The following NEK5 variants were observed in gnomAD, a reference collection of about 807,000 sequenced individuals.
NEK5 encodes serine/threonine-protein kinase Nek5.
NEK5 carries 88 observed loss-of-function variants against 109.2 expected under a neutral mutation model. The observed-to-expected ratio is 0.81, with a 90% confidence interval of 0.68 to 0.96. The LOEUF is 0.96. Among genes scored for constraint, NEK5 ranks in the 40% least tolerant of loss-of-function variants. The probability of loss-of-function intolerance (pLI) is 0.00; values close to 1 mark genes in which losing one functional copy is unlikely to be tolerated. For synonymous variants in NEK5, 283 were observed against 299.9 expected (o/e 0.94, Z 0.58); for missense variants, 834 against 920.7 (o/e 0.91, Z 1.22).
chr13:52,095,027 C>T (rs1304631354), intron 12 of NEK5, among the ~76,000 whole-genome samples: 3 of 152,162 alleles, frequency 2.0e-5, no homozygotes, highest in Admixed American at 1.3e-4. Context: ...CAGGGATCTC[C>T]TGCCTCATCC....
At chr13:52,116,433 C>T (rs895307276) in intron 4 of NEK5, among the ~76,000 whole-genome samples, 7 of 151,952 alleles carry the variant, frequency 4.6e-5, no homozygotes, top group South Asian at 2.1e-4. Flanking sequence ...GAGGCCATGG[C>T]GAGAGGATCA....
At position 52,125,334 on chromosome 13, in the gene NEK5, C is replaced by T. The variant is rs762115984; in HGVS notation, c.117+2032G>A. Reference sequence around the variant, plus strand: ...ATCCCAGCACTTTGGGAGGCCGAGGCGGGTGGATCACGAAGTCAGGAGATT... The same window carrying T: ...ATCCCAGCACTTTGGGAGGCCGAGGTGGGTGGATCACGAAGTCAGGAGATT... On this transcript the variant is annotated intron_variant, in intron 3 of 23. Coordinates refer to ENST00000684899, the MANE Select transcript of NEK5 (RefSeq NM_001365552.1). 5.9e-5 allele frequency among the ~76,000 whole-genome samples: 9 copies of T among 152,274 alleles called. No individual in the cohort carries two copies. In the East Asian group the frequency reaches 9.6e-4, roughly 16 times the overall value.
chr13:52,077,329 A>G (rs61957209), intron 17 of NEK5, among the ~76,000 whole-genome samples: 3,395 of 152,316 alleles, frequency 0.022, 69 homozygotes, highest in Middle Eastern at 0.037. Flanking sequence ...AATCAAACAT[A>G]TAATAGATAA....
At chr13:52,042,212 T>TTAC (rs1661924363) in intron 23 of NEK5, among the ~76,000 whole-genome samples, 1 of 151,606 alleles carries the variant, frequency 6.6e-6, no homozygotes. Flanking sequence ...ATAAGAAAGT[T>TTAC]TACTACTCAC....
In NEK5 at chr13:52,089,321, A is replaced by T. The variant is rs745709485; in HGVS notation, c.1209-8T>A. On this transcript the variant is annotated splice_region_variant and splice_polypyrimidine_tract_variant and intron_variant, in intron 13 of 23. Coordinates refer to ENST00000684899, the MANE Select transcript of NEK5 (RefSeq NM_001365552.1). ...TGAAGGTACTCAGCAGGCCTTAGAA[A>T]ATAAGAATGTTCAGCTTAAGTAGAA... 1 of 1,585,828 alleles carries T rather than the reference A, an allele frequency of 6.3e-7. No homozygotes were observed. Among genetic ancestry groups the T allele is most frequent in the South Asian group, 1.1e-5 (1 of 89,046 alleles).
In NEK5 at chr13:52,036,823, G is replaced by T. The variant is rs1954364909; in HGVS notation, c.*125C>A. ...AAAAGTTCTACTTCCTAAATTGAAA[G>T]AAAAATTAATAAATCCTTGAGATTA... On this transcript the variant is annotated 3_prime_UTR_variant, in exon 24 of 24. Transcript: ENST00000684899. 1 of 345,124 alleles carries T rather than the reference G, an allele frequency of 2.9e-6. No individual in the cohort carries two copies. The highest frequency in any genetic ancestry group is 4.1e-6 in the Non-Finnish European group (1 of 245,040). The allele number at this position is 345,124 out of a possible 1,614,324, so 21.4% of individuals were successfully genotyped here. A position where few individuals can be genotyped will look rare whatever the true frequency, so the allele number is the denominator to read the frequency against.
In NEK5 at chr13:52,119,381, T is replaced by A; in HGVS notation, c.152A>T (p.Glu51Val). Reference protein sequence around the residue: ...PIQEKEASKKEVILLEKMKHP... With the variant: ...PIQEKEASKKVVILLEKMKHP... ...TTTCATCTTTTCCAGAAGAATCACT[T>A]CTTTCTTTGAAGCTTCTTTTTCTTG... The change falls in exon 4 of 24, where the codon GAA becomes GTA. Residue 51 changes from glutamate to valine, a missense_variant. This residue lies in a region of NEK5 where 777 missense variants were observed against 824.7 expected (regional missense o/e 0.94). Transcript: ENST00000684899. The A allele has an allele frequency of 6.2e-7, 1 of 1,600,874 alleles. No individual in the cohort carries two copies. The highest frequency in any genetic ancestry group is 1.3e-5 in the African/African-American group (1 of 74,862).
At chr13:52,081,468 C>A (rs890013429) in intron 17 of NEK5, among the ~76,000 whole-genome samples, 1 of 152,086 alleles carries the variant, frequency 6.6e-6, no homozygotes, top group South Asian at 2.1e-4. Flanking sequence ...ACTATAGTCT[C>A]GTGCCACCAT....
intron 21 of NEK5, among the ~76,000 whole-genome samples, chr13:52,063,555 C>T (rs1299857979): frequency 6.7e-6 from 1 of 149,022 alleles, no homozygotes; most frequent in Non-Finnish European, 1.5e-5. Flanking sequence ...CGTGAGGAGC[C>T]CCTCTGCCTG....
At chr13:52,097,517 G>C (rs991076008) in intron 12 of NEK5, among the ~76,000 whole-genome samples, 26 of 151,992 alleles carry the variant, frequency 1.7e-4, no homozygotes, top group Admixed American at 7.2e-4. Context: ...TTTAATGACT[G>C]CCCTGCTAGG....
intron 23 of NEK5, among the ~76,000 whole-genome samples, chr13:52,041,552 A>AC (rs2140884774): frequency 6.6e-6 from 1 of 151,918 alleles, no homozygotes; most frequent in East Asian, 1.9e-4. Flanking sequence ...ACATGGTGAA[A>AC]CCCCATCTCT....
chr13:52,084,800 T>TTTA, intron 16 of NEK5, among the ~76,000 whole-genome samples: 1 of 108,196 alleles, frequency 9.2e-6, no homozygotes, highest in African/African-American at 2.8e-5. Context: ...TGTGTGTGTG[T>TTTA]GTGTGTGTGT....
At chr13:52,112,416 G>A (rs1955776254) in intron 4 of NEK5, 51 bp from the exon 5 acceptor site, 1 of 1,197,294 alleles carries the variant, frequency 8.4e-7, no homozygotes, top group African/African-American at 1.5e-5. Flanking sequence ...ATATTTATCA[G>A]CCATGTTCTG....
chr13:52,061,217 G>A (rs1430401598), intron 22 of NEK5, among the ~76,000 whole-genome samples: 3 of 151,784 alleles, frequency 2.0e-5, no homozygotes, highest in Non-Finnish European at 4.4e-5. Context: ...CACATGCACA[G>A]TTCACAATAG....
At chr13:52,081,439 G>A (rs1036778142) in intron 17 of NEK5, among the ~76,000 whole-genome samples, 1 of 151,754 alleles carries the variant, frequency 6.6e-6, no homozygotes. Context: ...AGGGATCCTC[G>A]GCCTCCTAAA....
At chr13:52,125,207 A>G (rs1370354067) in intron 3 of NEK5, among the ~76,000 whole-genome samples, 2 of 152,236 alleles carry the variant, frequency 1.3e-5, no homozygotes, top group Non-Finnish European at 2.9e-5. Flanking sequence ...TCTCTGAGAC[A>G]ATAAATGTTT....
At chr13:52,102,883 G>C (rs1013140230) in intron 9 of NEK5, among the ~76,000 whole-genome samples, 2 of 152,104 alleles carry the variant, frequency 1.3e-5, no homozygotes, top group African/African-American at 4.8e-5. Flanking sequence ...GGTATAGGAA[G>C]TTATAAAGAC....
intron 12 of NEK5, among the ~76,000 whole-genome samples, chr13:52,096,383 T>C (rs1481304602): frequency 6.6e-6 from 1 of 152,156 alleles, no homozygotes; most frequent in Non-Finnish European, 1.5e-5. Flanking sequence ...CTTCTTAAAA[T>C]CATAGTGACC....
rs1209729254 is a variant in NEK5, at chr13:52,072,058, G to A, written c.1735C>T (p.Pro579Ser). ...TCCTCAAAGGTCAAAGTTTCATTTG[G>A]TATATCCATTGCCTAAATCAATTCC... ...ILQEEEAMDI[P>S]NETLTFEDGM... The change falls in exon 20 of 24, where the codon CCA becomes TCA. Residue 579 changes from proline (P) to serine (S), a missense_variant. Physicochemically the swap from Pro to Ser is moderately conservative, Grantham distance 74 (BLOSUM62 -1). Around this residue, in one of 2 missense-constraint regions of NEK5, gnomAD observed 777 missense variants for 824.7 expected, o/e 0.94. Coordinates refer to ENST00000684899, the MANE Select transcript of NEK5 (RefSeq NM_001365552.1). 3 of 1,610,910 alleles carry A rather than the reference G, an allele frequency of 1.9e-6. No individual in the cohort carries two copies.
Sources: allele counts gnomAD v4.1 joint callset (sites outside exome capture counted in the v4.1 genomes callset), GRCh38; gene constraint gnomAD v4.1.1; regional missense constraint gnomAD v4.1.1; transcripts MANE v1.5; gene names NCBI Gene and HGNC (gene_info 2026-07-23, HGNC 2026-07-21).